The following NUTF2 variants were observed in gnomAD, a reference collection of about 807,000 sequenced individuals.
NUTF2 encodes placental protein 15.
In NUTF2, 3 loss-of-function variants were observed where a neutral mutation model predicts 18.5. The observed-to-expected ratio is 0.16, with a 90% CI of 0.07 to 0.42. The LOEUF (loss-of-function observed/expected upper bound fraction) is 0.42, where lower values mean the gene tolerates loss of function less well. Ranked by LOEUF, NUTF2 falls within the 10% of genes least tolerant of loss-of-function variation. The pLI is 0.99. For missense variants in NUTF2, 44 were observed against 160.7 expected (o/e 0.27, Z 3.93); for synonymous variants, 51 against 57.9 (o/e 0.88, Z 0.54).
At chr16:67,856,597 C>T (rs1453062950) in intron 1 of NUTF2, among the ~76,000 whole-genome samples, 1 of 151,880 alleles carries the variant, frequency 6.6e-6, no homozygotes, top group Non-Finnish European at 1.5e-5. Flanking sequence ...CAACCTCTGC[C>T]TCCTGGGTTC....
intron 1 of NUTF2, chr16:67,855,897 GGAT>G: frequency 2.2e-6 from 1 of 449,454 alleles, no homozygotes; most frequent in Non-Finnish European, 4.0e-6. Context: ...CGGGGGGGGG[GGAT>G]GGGGGAAATG....
At chr16:67,852,366 T>C (rs1180282290) in intron 1 of NUTF2, among the ~76,000 whole-genome samples, 1 of 151,482 alleles carries the variant, frequency 6.6e-6, no homozygotes, top group East Asian at 1.9e-4. Context: ...TTTTTTTTTT[T>C]CACCCAGGCT....
chr16:67,852,015 T>A (rs1211968218), intron 1 of NUTF2, among the ~76,000 whole-genome samples: 1 of 151,612 alleles, frequency 6.6e-6, no homozygotes, highest in Non-Finnish European at 1.5e-5. Context: ...AAACTCCATC[T>A]TGAAAAAAAA....
chr16:67,858,349 G>A (rs2057912329), intron 1 of NUTF2, among the ~76,000 whole-genome samples: 1 of 151,992 alleles, frequency 6.6e-6, no homozygotes, highest in South Asian at 2.1e-4. Context: ...TGTATTTTTA[G>A]TAGAGACGGG....
chr16:67,855,710 G>A (rs1256108128), intron 1 of NUTF2, among the ~76,000 whole-genome samples: 2 of 152,144 alleles, frequency 1.3e-5, no homozygotes, highest in African/African-American at 4.8e-5. Flanking sequence ...GGTTCCACTT[G>A]CAGGTGGTTT....
chr16:67,855,123 C>G (rs1244400525), intron 1 of NUTF2, among the ~76,000 whole-genome samples: 1 of 152,134 alleles, frequency 6.6e-6, no homozygotes, highest in African/African-American at 2.4e-5. Context: ...CTGTGATTCT[C>G]TCTTCCTTTG....
At position 67,865,118 on chromosome 16, in the gene NUTF2, G is replaced by C; in HGVS notation, c.-13G>C. 7 of 1,598,256 alleles carry C rather than the reference G, an allele frequency of 4.4e-6. No homozygotes were observed. Among genetic ancestry groups the C allele is most frequent in the Non-Finnish European group, 6.0e-6 (7 of 1,167,330 alleles). On this transcript the variant is annotated 5_prime_UTR_variant, in exon 2 of 5. Coordinates refer to ENST00000219169, the MANE Select transcript of NUTF2 (RefSeq NM_005796.3). ...GTCTTGCAGGTCTCCGTGAGGCCGG[G>C]TGACGCTCCAGAATGGGAGACAAGC...
At chr16:67,855,887 C>CGGGGGG in intron 1 of NUTF2, 1 of 185,204 alleles carries the variant, frequency 5.4e-6, no homozygotes, top group Non-Finnish European at 9.6e-6. Context: ...TTTTTTTTGG[C>CGGGGGG]GGGGGGGGGG....
At chr16:67,870,369 G>A (rs2058002992) in intron 4 of NUTF2, 1 of 166,978 alleles carries the variant, frequency 6.0e-6, no homozygotes, top group East Asian at 1.9e-4. Flanking sequence ...TTTATTACAT[G>A]ACAGGAAACA....
intron 1 of NUTF2, among the ~76,000 whole-genome samples, chr16:67,864,032 C>G (rs2057951943): frequency 6.6e-6 from 1 of 152,180 alleles, no homozygotes; most frequent in South Asian, 2.1e-4. Flanking sequence ...AGCCTCCATC[C>G]CCTCTTCCCA....
chr16:67,870,118 T>C (rs2058001571), intron 4 of NUTF2: 1 of 152,294 alleles, frequency 6.6e-6, no homozygotes, highest in Non-Finnish European at 1.5e-5. Context: ...ATTGTTCACT[T>C]TCTCAGGCAA....
rs1200679779 is a variant in NUTF2, at chr16:67,870,847, G to A, written c.318G>A (p.Lys106=). The A allele has an allele frequency of 6.8e-6, 11 of 1,613,820 alleles. No individual in the cohort carries two copies. The highest frequency in any genetic ancestry group is 1.3e-5 in the African/African-American group (1 of 74,906). The change falls in exon 5 of 5, where the codon AAG becomes AAA. Residue 106 remains lysine (K), a synonymous_variant. Transcript: ENST00000219169. ...GGTTCCACCAGATGTTCCTATTAAA[G>A]AACATCAACGATGCTTGGGTTTGCA... ...IMGFHQMFLL[K]NINDAWVCTN...
At chr16:67,852,204 G>C (rs1170300889) in intron 1 of NUTF2, among the ~76,000 whole-genome samples, 1 of 152,018 alleles carries the variant, frequency 6.6e-6, no homozygotes. Context: ...TATACCTGTA[G>C]TTCCAGCTGC....
intron 1 of NUTF2, among the ~76,000 whole-genome samples, chr16:67,853,630 C>T (rs867568451): frequency 6.6e-6 from 1 of 152,084 alleles, no homozygotes; most frequent in Non-Finnish European, 1.5e-5. Context: ...GCTGGGATTC[C>T]AGGCATGAGC....
At chr16:67,855,008 G>GT (rs1454755675) in intron 1 of NUTF2, among the ~76,000 whole-genome samples, 83 of 151,778 alleles carry the variant, frequency 5.5e-4, no homozygotes, top group African/African-American at 1.8e-3. Flanking sequence ...CTGGGTGCTG[G>GT]TTTGTTTTTT....
intron 4 of NUTF2, chr16:67,870,476 G>A (rs1234858286): frequency 3.4e-6 from 1 of 293,060 alleles, no homozygotes; most frequent in East Asian, 9.1e-5. Flanking sequence ...TTTCAAAATT[G>A]TGATCACTTG....
chr16:67,851,076 C>T (rs2057853107), intron 1 of NUTF2, among the ~76,000 whole-genome samples: 1 of 152,072 alleles, frequency 6.6e-6, no homozygotes, highest in South Asian at 2.1e-4. Flanking sequence ...GCTAGGATTA[C>T]AGGTGTGAGC....
chr16:67,865,950 C>T (rs1263718661), intron 2 of NUTF2, among the ~76,000 whole-genome samples: 2 of 152,138 alleles, frequency 1.3e-5, no homozygotes, highest in African/African-American at 4.8e-5. Flanking sequence ...GAACTCCTGA[C>T]CTCGTGATCC....
chr16:67,869,259 A>G (rs556638082), intron 4 of NUTF2, among the ~76,000 whole-genome samples: 1 of 151,412 alleles, frequency 6.6e-6, no homozygotes, highest in African/African-American at 2.4e-5. Context: ...AATTTTTTGT[A>G]TTTTTAGTAG....
Sources: allele counts gnomAD v4.1 joint callset (sites outside exome capture counted in the v4.1 genomes callset), GRCh38; gene constraint gnomAD v4.1.1; transcripts MANE v1.5; gene names NCBI Gene and HGNC (gene_info 2026-07-23, HGNC 2026-07-21).